The following ARHGEF18 variants were observed in gnomAD, a reference collection of about 807,000 sequenced individuals.
ARHGEF18 encodes the protein Rho/Rac guanine nucleotide exchange factor 18.
Under a neutral mutation model 155.7 loss-of-function variants are expected in ARHGEF18, and 93 were observed. The ratio of observed to expected loss-of-function variants is 0.60; its 90% confidence interval spans 0.50 to 0.71. The LOEUF (loss-of-function observed/expected upper bound fraction) is 0.71, where lower values mean the gene tolerates loss of function less well. Ranked by LOEUF, ARHGEF18 falls within the 30% of genes least tolerant of loss-of-function variation. ARHGEF18 has a pLI of 0.00. For missense variants in ARHGEF18, 1,593 were observed against 1,816.1 expected (o/e 0.88, Z 2.23); for synonymous variants, 742 against 753.1 (o/e 0.99, Z 0.24).
intron 10 of ARHGEF18, among the ~76,000 whole-genome samples, chr19:7,430,572 G>C (rs1193824764): frequency 6.6e-6 from 1 of 152,144 alleles, no homozygotes; most frequent in Non-Finnish European, 1.5e-5. Flanking sequence ...GGGAGGCTGA[G>C]GTGGGAGGAC....
At chr19:7,430,171 G>A (rs1350453280) in intron 10 of ARHGEF18, among the ~76,000 whole-genome samples, 1 of 151,936 alleles carries the variant, frequency 6.6e-6, no homozygotes, top group Non-Finnish European at 1.5e-5. Context: ...GCACTTGGTG[G>A]ATTTAACTTT....
intron 10 of ARHGEF18, among the ~76,000 whole-genome samples, chr19:7,428,117 G>A (rs7247996): frequency 0.53 from 81,227 of 151,982 alleles, 22,077 homozygotes; most frequent in Middle Eastern, 0.74. Flanking sequence ...TAATTCCTGC[G>A]GTCATGTTGA....
chr19:7,368,308 AG>A (rs1473452062), intron 2 of ARHGEF18, among the ~76,000 whole-genome samples: 1 of 152,068 alleles, frequency 6.6e-6, no homozygotes, highest in East Asian at 1.9e-4. Flanking sequence ...CCATCCCCCA[AG>A]GCTCCCCCAG....
intron 10 of ARHGEF18, among the ~76,000 whole-genome samples, chr19:7,409,923 G>A (rs1972573464): frequency 6.7e-6 from 1 of 149,122 alleles, no homozygotes; most frequent in Admixed American, 6.7e-5. Flanking sequence ...ACAGGTGCCT[G>A]CCACCACACC....
chr19:7,458,776 G>A, intron 19 of ARHGEF18, 86 bp downstream of exon 19: 1 of 1,438,284 alleles, frequency 7.0e-7, no homozygotes, highest in Non-Finnish European at 9.3e-7. Context: ...GCCATCAGCT[G>A]TGACCTTGAA....
chr19:7,461,207 G>A (rs1367703716), intron 20 of ARHGEF18, among the ~76,000 whole-genome samples: 1 of 151,930 alleles, frequency 6.6e-6, no homozygotes, highest in Non-Finnish European at 1.5e-5. Context: ...GAAGCCAGGA[G>A]TTTGAGACCA....
chr19:7,479,683 C>T, the ARHGEF18 span, among the ~76,000 whole-genome samples: 6 of 152,198 alleles, frequency 3.9e-5, no homozygotes, highest in African/African-American at 9.7e-5. Context: ...ACAAGAATGC[C>T]GCAGCAGGCG....
chr19:7,434,500 G>C (rs1230155105), intron 10 of ARHGEF18, among the ~76,000 whole-genome samples: 2 of 152,118 alleles, frequency 1.3e-5, no homozygotes, highest in African/African-American at 2.4e-5. Flanking sequence ...GGCCACAGCG[G>C]GCCAGGTGCT....
intron 2 of ARHGEF18, among the ~76,000 whole-genome samples, chr19:7,364,884 C>T (rs903038863): frequency 6.6e-6 from 1 of 152,150 alleles, no homozygotes; most frequent in South Asian, 2.1e-4. Flanking sequence ...CAGACTCAGA[C>T]GGAGTTGGGC....
intron 26 of ARHGEF18, 41 bp from the exon 27 acceptor site, chr19:7,468,784 C>T (rs1473286252): frequency 2.7e-6 from 4 of 1,491,116 alleles, no homozygotes; most frequent in Admixed American, 2.2e-5. Flanking sequence ...GGCCGCACAG[C>T]AGGAACCTCA....
Position 7,367,913 on chromosome 19 carries a change from T to TTA in ARHGEF18, c.16-4886_16-4885dup, listed in dbSNP as rs1483958126. On this transcript the variant is annotated intron_variant, in intron 2 of 28. Transcript: ENST00000668164. ...TATATATTTTTTATATATATATATT[T>TTA]TATATATATATATAAAAGCTGGGCA... 6.4e-5 allele frequency among the ~76,000 whole-genome samples: 6 copies of TTA among 94,480 alleles called. 1 individual carries two copies. The highest frequency in any genetic ancestry group is 2.3e-4 in the East Asian group (1 of 4,328). The allele number at this position is 94,480 out of a possible 152,430, so 62.0% of individuals were successfully genotyped here. A position where few individuals can be genotyped will look rare whatever the true frequency, so the allele number is the denominator to read the frequency against.
At chr19:7,450,877 A>T (rs565422232) in intron 15 of ARHGEF18, among the ~76,000 whole-genome samples, 5,108 of 117,310 alleles carry the variant, frequency 0.044, 125 homozygotes, top group African/African-American at 0.16. Context: ...CGTTTCCGAG[A>T]TGTTAATGCG....
rs550201650 is a variant in ARHGEF18 at position 7,463,726 on chromosome 19, C to T, written c.2636-92C>T. The T allele has an allele frequency of 7.1e-5, 101 of 1,424,672 alleles. No individual in the cohort carries two copies. Among genetic ancestry groups the T allele is most frequent in the Admixed American group, 2.3e-4 (9 of 38,950 alleles). 88.3% of individuals were successfully genotyped at this position (1,424,672 alleles called of 1,614,324 possible). On this transcript the variant is annotated intron_variant, in intron 21 of 28. Coordinates refer to ENST00000668164, the MANE Select transcript of ARHGEF18 (RefSeq NM_001367823.1). The surrounding 1 kb of genome is among the most constrained non-coding windows in gnomAD (Gnocchi z 5.2). ...CGATCACCACCCCAGTGAGTCCCTC[C>T]GTCCACCCGGGTCTCGCTGCCCCAG... is the stretch of plus-strand genomic sequence containing the variant.
chr19:7,403,530 T>TTTCC lies in ARHGEF18; in HGVS notation c.967+20330_967+20331insCTTC, dbSNP rs1362377314. Among the ~76,000 whole-genome samples, 4 of 125,682 alleles carry TTTCC rather than the reference T, an allele frequency of 3.2e-5. No homozygotes were observed. The Admixed American group carries it at 3.5e-4, about 11-fold the overall frequency. The allele number at this position is 125,682 out of a possible 152,430, so 82.5% of individuals were successfully genotyped here. A position where few individuals can be genotyped will look rare whatever the true frequency, so the allele number is the denominator to read the frequency against. On this transcript the variant is annotated intron_variant, in intron 10 of 28. Coordinates refer to ENST00000668164, the MANE Select transcript of ARHGEF18 (RefSeq NM_001367823.1). ...TTACGTTGTTGCCTAAACTTAGCTT[T>TTTCC]TTCTTTCTTTCTTTCTTTCTTTCTT... is the stretch of plus-strand genomic sequence containing the variant.
chr19:7,370,219 G>C (rs1970137946), intron 2 of ARHGEF18, among the ~76,000 whole-genome samples: 1 of 151,868 alleles, frequency 6.6e-6, no homozygotes, highest in Non-Finnish European at 1.5e-5. Context: ...ATAGGGGCTG[G>C]GCGCGGTGGC....
rs140351273 is a variant in ARHGEF18 at position 7,403,412 on chromosome 19, C to G, written c.967+20209C>G. Among the ~76,000 whole-genome samples the G allele has an allele frequency of 3.4e-3, 524 of 152,308 alleles. 1 individual carries two copies. The highest frequency in any genetic ancestry group is 0.012 in the African/African-American group (498 of 41,560). On this transcript the variant is annotated intron_variant, in intron 10 of 28. Coordinates refer to ENST00000668164, the MANE Select transcript of ARHGEF18 (RefSeq NM_001367823.1). ...CCCTACTTTCTGTCTCTAGATCTGT[C>G]TATTCTAGACTTTTCATATCAGTGG...
intron 15 of ARHGEF18, among the ~76,000 whole-genome samples, chr19:7,447,503 A>G (rs1162791905): frequency 6.7e-6 from 1 of 149,442 alleles, no homozygotes; most frequent in Non-Finnish European, 1.5e-5. Flanking sequence ...CAAAAAAAAC[A>G]AAAACAAAAT....
At chr19:7,355,889 C>T (rs955679006) in intron 1 of ARHGEF18, among the ~76,000 whole-genome samples, 2 of 152,198 alleles carry the variant, frequency 1.3e-5, no homozygotes, top group African/African-American at 4.8e-5. Flanking sequence ...TGGGGTCCCT[C>T]TTGTTTCAGA....
chr19:7,409,845 C>T (rs562234447), intron 10 of ARHGEF18, among the ~76,000 whole-genome samples: 88 of 145,504 alleles, frequency 6.0e-4, no homozygotes, highest in African/African-American at 2.2e-3. Flanking sequence ...CCTCAGCTTA[C>T]TTACTGCAAC....
Sources: gnomAD v4.1 joint callset for allele counts (sites outside exome capture counted in the v4.1 genomes callset) on GRCh38, gnomAD v4.1.1 for gene constraint, Gnocchi (gnomAD v3.1) non-coding constraint, MANE v1.5 for transcripts, NCBI Gene and HGNC (gene_info 2026-07-23, HGNC 2026-07-21) for gene names.